The following PPL variants were observed in gnomAD, a reference collection of about 807,000 sequenced individuals.
PPL encodes the protein periplakin.
Under a neutral mutation model 194.4 loss-of-function variants are expected in PPL, and 198 were observed. The ratio of observed to expected loss-of-function variants is 1.02; its 90% CI spans 0.91 to 1.15. PPL has a LOEUF of 1.15. PPL is among the 50% of genes most tolerant of loss of function. The pLI, the probability that PPL is intolerant of heterozygous loss-of-function variation, is 0.00. For missense variants in PPL, 2,885 were observed against 2,294.8 expected (o/e 1.26, Z -5.25); for synonymous variants, 1,220 against 972.4 (o/e 1.25, Z -4.74).
Position 4,884,591 on chromosome 16 carries a change from A to G in PPL, c.4064T>C (p.Val1355Ala). The change falls in exon 22 of 22, where the codon GTG becomes GCG. Residue 1355 changes from valine to alanine, a missense_variant. By Grantham distance (64) the Val-to-Ala change is moderately conservative. Coordinates refer to ENST00000345988, the MANE Select transcript of PPL (RefSeq NM_002705.5). The surrounding 1 kb of genome is among the most constrained non-coding windows in gnomAD (Gnocchi z 5.7). The part of the protein sequence containing the change: ...RVKERVVQQE[V>A]VRYEEEPGLR... The stretch of plus-strand genomic sequence containing the variant: ...GCCTGGCTCCTCCTCATACCTGACC[A>G]CCTCCTGCTGCACCACCCTTTCCTT... 2 of 1,613,356 alleles carry G rather than the reference A, an allele frequency of 1.2e-6. No homozygotes were observed. Among genetic ancestry groups the G allele is most frequent in the Non-Finnish European group, 1.7e-6 (2 of 1,179,798 alleles).
chr16:4,909,203 C>T (rs1230373417), intron 2 of PPL, among the ~76,000 whole-genome samples: 1 of 152,132 alleles, frequency 6.6e-6, no homozygotes, highest in Non-Finnish European at 1.5e-5. Flanking sequence ...CACTTATCTG[C>T]CCCCTACACC....
chr16:4,924,763 T>A (rs2089124274), intron 1 of PPL, among the ~76,000 whole-genome samples: 1 of 152,014 alleles, frequency 6.6e-6, no homozygotes. Flanking sequence ...CCTGCAACCC[T>A]GTCCATAGGC....
intron 19 of PPL, 116 bp from the exon 20 acceptor site, chr16:4,888,334 T>G (rs55849185): frequency 0.041 from 29,457 of 714,248 alleles, 793 homozygotes; most frequent in Non-Finnish European, 0.049. Context: ...GCTGGTTTTA[T>G]AATCTGCGTG....
At position 4,910,883 on chromosome 16, in the gene PPL, C is replaced by G; in HGVS notation, c.129G>C (p.Lys43Asn). 6.2e-7 allele frequency: 1 copy of G among 1,613,984 alleles called. No homozygotes were observed. The highest frequency in any genetic ancestry group is 8.5e-7 in the Non-Finnish European group (1 of 1,180,012). The change falls in exon 2 of 22, where the codon AAG becomes AAC. Residue 43 changes from lysine (K) to asparagine (N), a missense_variant. By Grantham distance (94) the Lys-to-Asn change is moderately conservative. Coordinates refer to ENST00000345988, the MANE Select transcript of PPL (RefSeq NM_002705.5). ...QLQKNADQVE[K>N]NIVDTEAKMQ... ...TCTTGGCCTCTGTGTCCACGATGTTCTTCTCCACCTGGTCGGCATTCTTCT... is the reference window on the plus strand; with the variant it reads ...TCTTGGCCTCTGTGTCCACGATGTTGTTCTCCACCTGGTCGGCATTCTTCT...
rs2142342689 is a variant in PPL, at chr16:4,892,155, C to T, written c.1709G>A (p.Gly570Asp). Residue 570 changes from glycine (G) to aspartate (D), a missense_variant, in exon 15 of 22, where the codon GGC becomes GAC. By Grantham distance (94) the Gly-to-Asp change is moderately conservative. Coordinates refer to ENST00000345988, the MANE Select transcript of PPL (RefSeq NM_002705.5). ...TGGGAGGGCCTGGATGAAGGCTTCG[C>T]CCTCAGCCGTGCTCCGCGTCTTCTC... ...EPEKTRSTAE[G>D]EAFIQALPGS... The T allele has an allele frequency of 6.2e-7, 1 of 1,613,848 alleles. No individual in the cohort carries two copies. Among genetic ancestry groups the T allele is most frequent in the Non-Finnish European group, 8.5e-7 (1 of 1,180,036 alleles).
At chr16:4,897,284 G>T (rs1344421621) in intron 9 of PPL, among the ~76,000 whole-genome samples, 1 of 134,990 alleles carries the variant, frequency 7.4e-6, no homozygotes, top group Admixed American at 8.3e-5. Flanking sequence ...GTAGTGAGCC[G>T]AGATGGCACG....
At chr16:4,894,365 G>C (rs117754328) in intron 12 of PPL, 102 bp downstream of exon 12, 32,271 of 1,448,728 alleles carry the variant, frequency 0.022, 460 homozygotes, top group Non-Finnish European at 0.026. Context: ...GCGACCCCGC[G>C]CTCCCCACAG....
intron 17 of PPL, 121 bp downstream of exon 17, chr16:4,890,607 C>A (rs932434010): frequency 2.4e-5 from 30 of 1,253,582 alleles, no homozygotes; most frequent in Non-Finnish European, 3.3e-5. Context: ...GTCAGAGAAT[C>A]TGACGAACTC....
chr16:4,889,487 G>C (rs1348084952), intron 18 of PPL, among the ~76,000 whole-genome samples: 1 of 151,738 alleles, frequency 6.6e-6, no homozygotes, highest in Non-Finnish European at 1.5e-5. Flanking sequence ...TTGAACTCCT[G>C]AACTTGTGAT....
chr16:4,930,573 G>A (rs960411323), intron 1 of PPL, among the ~76,000 whole-genome samples: 2 of 152,188 alleles, frequency 1.3e-5, no homozygotes, highest in Admixed American at 6.5e-5. Flanking sequence ...TAGCACCAGT[G>A]TCTGGGGGAA....
chr16:4,907,675 T>G (rs1265332497), intron 2 of PPL, among the ~76,000 whole-genome samples: 1 of 152,124 alleles, frequency 6.6e-6, no homozygotes, highest in Non-Finnish European at 1.5e-5. Context: ...GCCACTGACT[T>G]GTACACATTA....
chr16:4,886,394 T>C (rs1485488540), intron 21 of PPL, among the ~76,000 whole-genome samples: 1 of 152,238 alleles, frequency 6.6e-6, no homozygotes, highest in Non-Finnish European at 1.5e-5. Context: ...TTATCTCTCC[T>C]GCACAAATGG....
intron 14 of PPL, 143 bp downstream of exon 14, chr16:4,893,070 C>G (rs966905816): frequency 1.1e-5 from 12 of 1,113,542 alleles, no homozygotes; most frequent in Non-Finnish European, 1.3e-5. Context: ...GACTTGGGAC[C>G]CTTTTACATG....
rs748310465 is a variant in PPL at position 4,884,630 on chromosome 16, T to G, written c.4025A>C (p.Glu1342Ala). Reference protein sequence around the residue: ...QEEQIARKEEELSRVKERVVQ... With the variant: ...QEEQIARKEEALSRVKERVVQ... ...CACCCTTTCCTTCACCCGCGAGAGC[T>G]CCTCCTCTTTCCGGGCGATCTGCTC... Residue 1342 changes from glutamate (E) to alanine (A), a missense_variant, in exon 22 of 22, where the codon GAG (glutamate) becomes GCG (alanine). Glu to Ala is a moderately radical substitution (Grantham distance 107). Transcript: ENST00000345988. The surrounding 1 kb of genome is among the most constrained non-coding windows in gnomAD (Gnocchi z 5.7). The G allele has an allele frequency of 6.2e-7, 1 of 1,613,912 alleles. No individual in the cohort carries two copies. The highest frequency in any genetic ancestry group is 1.7e-5 in the Admixed American group (1 of 60,008).
At chr16:4,914,075 G>T (rs7194203) in intron 1 of PPL, among the ~76,000 whole-genome samples, 82,853 of 152,088 alleles carry the variant, frequency 0.54, 24,801 homozygotes, top group East Asian at 0.67. Context: ...GTGTCGGCTG[G>T]GTGCTAAAGC....
rs951253447 is a variant in PPL at position 4,903,791 on chromosome 16, C to A, written c.317+95G>T. On this transcript the variant is annotated intron_variant, in intron 3 of 21. Transcript: ENST00000345988. ...CTGGCACCTAATTAGCCCTTGATAA[C>A]CCCTGACTCGGGCTCCCAAATGCTG... 15 of 1,474,184 alleles carry A rather than the reference C, an allele frequency of 1.0e-5. No individual in the cohort carries two copies. The Admixed American group carries it at 1.8e-4, about 18-fold the overall frequency. 91.3% of individuals were successfully genotyped at this position (1,474,184 alleles called of 1,614,324 possible).
rs1159881722 is a variant in PPL at position 4,882,752 on chromosome 16, A to G, written c.*632T>C. 1 of 152,730 alleles carries G rather than the reference A, an allele frequency of 6.5e-6. No individual in the cohort carries two copies. Among genetic ancestry groups the G allele is most frequent in the Admixed American group, 6.5e-5 (1 of 15,298 alleles). 9.5% of individuals were successfully genotyped at this position (152,730 alleles called of 1,614,324 possible). On this transcript the variant is annotated 3_prime_UTR_variant, in exon 22 of 22. Coordinates refer to ENST00000345988, the MANE Select transcript of PPL (RefSeq NM_002705.5). ...GATTTAAATGCCAGAACTGTGAAAC[A>G]TTCTCTGTAGGTGCCGGGACAGTCT...
Position 4,885,033 on chromosome 16 carries a change from GCTC to G in PPL, c.3619_3621del (p.Glu1207del), listed in dbSNP as rs780753091. On this transcript the variant is annotated inframe_deletion, in exon 22 of 22. Coordinates refer to ENST00000345988, the MANE Select transcript of PPL (RefSeq NM_002705.5). This position sits in a 1 kb window ranked among gnomAD's most constrained non-coding sequence, Gnocchi z 6.3. ...AGCTCACTCTGGTAGCTCCGGAGCT[GCTC>G]CTCGGCACCCCGGTACTTTCGCTCC... is the stretch of plus-strand genomic sequence containing the variant. The G allele has an allele frequency of 6.2e-7, 1 of 1,613,470 alleles. No homozygotes were observed. Among genetic ancestry groups the G allele is most frequent in the African/African-American group, 1.3e-5 (1 of 74,872 alleles).
rs146697536 is a variant in PPL at position 4,900,043 on chromosome 16, C to T, written c.607-659G>A. ...TCTCAGATGAGGAAACTGAGGCTCC[C>T]GGAGGCTAAGTAACTCGCTCAAGGT... On this transcript the variant is annotated intron_variant, in intron 6 of 21. Transcript: ENST00000345988. Among the ~76,000 whole-genome samples, 32 of 152,176 alleles carry T rather than the reference C, an allele frequency of 2.1e-4. No individual in the cohort carries two copies. The South Asian group carries it at 6.4e-3, about 31-fold the overall frequency.
Sources: allele counts gnomAD v4.1 joint callset (sites outside exome capture counted in the v4.1 genomes callset), GRCh38; gene constraint gnomAD v4.1.1; non-coding constraint Gnocchi (gnomAD v3.1); transcripts MANE v1.5; gene names NCBI Gene and HGNC (gene_info 2026-07-23, HGNC 2026-07-21).